Variants in ZFPM1 observed in about 807,000 individuals in gnomAD.
ZFPM1 encodes zinc finger protein ZFPM1.
ZFPM1 carries 28 observed loss-of-function variants against 46.3 expected under a neutral mutation model. The ratio of observed to expected loss-of-function variants is 0.60; its 90% CI spans 0.45 to 0.83. The LOEUF is 0.83. Among genes scored for constraint, ZFPM1 ranks in the 40% least tolerant of loss-of-function variants. The probability of loss-of-function intolerance (pLI) is 0.00; values close to 1 mark genes in which losing one functional copy is unlikely to be tolerated. For synonymous variants in ZFPM1, 957 were observed against 675.9 expected (o/e 1.42, Z -6.45); for missense variants, 1,878 against 1,432.4 (o/e 1.31, Z -5.02).
intron 3 of ZFPM1, among the ~76,000 whole-genome samples, chr16:88,500,149 C>G (rs957473061): frequency 1.3e-5 from 2 of 152,284 alleles, no homozygotes; most frequent in African/African-American, 4.8e-5. Context: ...CACCAGCCCC[C>G]ACCCAGGCCC....
At chr16:88,506,494 C>A in intron 3 of ZFPM1, among the ~76,000 whole-genome samples, 1 of 111,848 alleles carries the variant, frequency 8.9e-6, no homozygotes, top group African/African-American at 3.5e-5. Flanking sequence ...CCAGAAAGGA[C>A]TGAATGGGGG....
At chr16:88,463,107 A>G (rs1907974009) in intron 1 of ZFPM1, among the ~76,000 whole-genome samples, 1 of 152,032 alleles carries the variant, frequency 6.6e-6, no homozygotes, top group South Asian at 2.1e-4. Context: ...TTTTCCATCA[A>G]GCTCCCACTT....
At chr16:88,525,677 G>A (rs1258447105) in intron 4 of ZFPM1, among the ~76,000 whole-genome samples, 1 of 152,176 alleles carries the variant, frequency 6.6e-6, no homozygotes, top group Non-Finnish European at 1.5e-5. Context: ...CGAGGCCTGA[G>A]GGGCAGCGGC....
chr16:88,482,919 C>T (rs751595752), intron 1 of ZFPM1, among the ~76,000 whole-genome samples: 57 of 152,316 alleles, frequency 3.7e-4, no homozygotes, highest in Non-Finnish European at 6.0e-4. Flanking sequence ...TGCTCAGGGC[C>T]GACCCCAGAG....
chr16:88,533,051 TCC>T, intron 9 of ZFPM1, 95 bp from the exon 10 acceptor site: 17 of 1,351,470 alleles, frequency 1.3e-5, no homozygotes, highest in Admixed American at 2.2e-5. Flanking sequence ...TCTAAACCAC[TCC>T]CGCCCACCCC....
chr16:88,505,752 G>A (rs1910618057), intron 3 of ZFPM1, among the ~76,000 whole-genome samples: 1 of 152,160 alleles, frequency 6.6e-6, no homozygotes, highest in Non-Finnish European at 1.5e-5. Context: ...TGTGGGTCCT[G>A]AGCACATCTT....
intron 3 of ZFPM1, among the ~76,000 whole-genome samples, chr16:88,491,749 G>A (rs894572671): frequency 2.6e-5 from 4 of 152,208 alleles, no homozygotes; most frequent in African/African-American, 7.2e-5. Flanking sequence ...GTGCCCTATC[G>A]GCTCCCGCAG....
intron 3 of ZFPM1, among the ~76,000 whole-genome samples, chr16:88,511,507 C>T (rs1255909207): frequency 6.6e-6 from 1 of 152,162 alleles, no homozygotes; most frequent in African/African-American, 2.4e-5. Context: ...AGCTCAGCAT[C>T]CCCCGGCCCT....
intron 1 of ZFPM1, among the ~76,000 whole-genome samples, chr16:88,463,333 C>A (rs1286968703): frequency 6.6e-6 from 1 of 152,346 alleles, no homozygotes; most frequent in East Asian, 1.9e-4. Flanking sequence ...TCTTGGGGTT[C>A]CTCTGGCAGC....
chr16:88,514,529 C>A lies in ZFPM1; in HGVS notation c.402+9C>A. ...CCAGGCAGGCGGAGCCGGTAAGAAG[C>A]CCCCATCCCCGCCCCTGCCCGCCCA... On this transcript the variant is annotated intron_variant, in intron 4 of 9. Coordinates refer to ENST00000319555, the MANE Select transcript of ZFPM1 (RefSeq NM_153813.3). The A allele has an allele frequency of 1.3e-6, 2 of 1,552,024 alleles. No individual in the cohort carries two copies. Among genetic ancestry groups the A allele is most frequent in the Non-Finnish European group, 1.7e-6 (2 of 1,148,966 alleles).
chr16:88,503,574 C>A lies in ZFPM1; in HGVS notation c.269-10813C>A, dbSNP rs1446426573. ...CACCCTCTGCCTGGCCTGCATCTGA[C>A]TCACAGCCAGCTGCCTCTCTGTGGA... On this transcript the variant is annotated intron_variant, in intron 3 of 9. Coordinates refer to ENST00000319555, the MANE Select transcript of ZFPM1 (RefSeq NM_153813.3). Among the ~76,000 whole-genome samples, 4 of 152,294 alleles carry A rather than the reference C, an allele frequency of 2.6e-5. No individual in the cohort carries two copies. In the East Asian group the frequency reaches 7.7e-4, roughly 29 times the overall value.
Position 88,533,314 on chromosome 16 carries a change from C to T in ZFPM1, c.1356C>T (p.Ser452=), listed in dbSNP as rs1350240402. 8 of 1,531,268 alleles carry T rather than the reference C, an allele frequency of 5.2e-6. No individual in the cohort carries two copies. The East Asian group carries it at 1.7e-4, about 33-fold the overall frequency. 94.9% of individuals were successfully genotyped at this position (1,531,268 alleles called of 1,614,324 possible). A position where few individuals can be genotyped will look rare whatever the true frequency, so the allele number is the denominator to read the frequency against. The change falls in exon 10 of 10, where the codon AGC becomes AGT. Residue 452 remains serine (S), a synonymous_variant. Coordinates refer to ENST00000319555, the MANE Select transcript of ZFPM1 (RefSeq NM_153813.3). ...RAEPLAQNGG[S]SEPPAAPRSI... ...AGCCTCTGGCCCAGAATGGAGGCAG[C>T]AGCGAGCCCCCGGCGGCCCCCAGGA...
At chr16:88,453,738 G>A in intron 1 of ZFPM1, 60 bp downstream of exon 1, 2 of 1,034,868 alleles carry the variant, frequency 1.9e-6, no homozygotes, top group Non-Finnish European at 2.4e-6. Flanking sequence ...GAGCCCAGCC[G>A]CCAGCGCCGC....
At chr16:88,452,795 G>A (rs533684546), upstream of ZFPM1, among the ~76,000 whole-genome samples, 10 of 152,312 alleles carry the variant, frequency 6.6e-5, no homozygotes, top group East Asian at 1.6e-3. Context: ...GGTCGGGTCA[G>A]GTTTGGAGGC....
chr16:88,486,539 A>AGGTGCACAGTGGATGGGTGCTG (rs1567534375), intron 2 of ZFPM1, among the ~76,000 whole-genome samples: 4 of 133,932 alleles, frequency 3.0e-5, no homozygotes, highest in African/African-American at 1.2e-4. Context: ...AGTGGGTGCT[A>AGGTGCACAGTGGATGGGTGCTG]GGTGCACAGT....
chr16:88,475,831 C>A (rs773912967), intron 1 of ZFPM1, among the ~76,000 whole-genome samples: 6 of 152,188 alleles, frequency 3.9e-5, no homozygotes, highest in Non-Finnish European at 8.8e-5. Context: ...GGGACGCACG[C>A]GTGCAGGAGG....
rs926885999 is a variant in ZFPM1, at chr16:88,517,880, A to C, written c.402+3360A>C. Among the ~76,000 whole-genome samples, 6 of 150,944 alleles carry C rather than the reference A, an allele frequency of 4.0e-5. 1 individual carries two copies. In the South Asian group the frequency reaches 1.3e-3, roughly 32 times the overall value. On this transcript the variant is annotated intron_variant, in intron 4 of 9. Coordinates refer to ENST00000319555, the MANE Select transcript of ZFPM1 (RefSeq NM_153813.3). ...TAAAGGAGGGGTGGATAGATGGATGAGTGGATAGATGAATGGATGGATAGG... is the reference window on the plus strand; with the variant it reads ...TAAAGGAGGGGTGGATAGATGGATGCGTGGATAGATGAATGGATGGATAGG...
chr16:88,467,891 C>T (rs1717506220), intron 1 of ZFPM1, among the ~76,000 whole-genome samples: 1 of 152,272 alleles, frequency 6.6e-6, no homozygotes, highest in South Asian at 2.1e-4. Flanking sequence ...GAGGTGCTAT[C>T]GCCGTTATCT....
chr16:88,534,128 C>T lies in ZFPM1; in HGVS notation c.2170C>T (p.Pro724Ser). ...CCGACCGGCCGCGCCCCCGGGACCC[C>T]CTGGGCCGGCCGCGCCCCCGGCCCC... ...PRRPAAPPGPPGPAAPPAPSP... is the reference protein window; with the variant it reads ...PRRPAAPPGPSGPAAPPAPSP... The change falls in exon 10 of 10, where the codon CCT (proline) becomes TCT (serine). Residue 724 changes from proline to serine, a missense_variant. Pro to Ser is a moderately conservative substitution (Grantham distance 74). Coordinates refer to ENST00000319555, the MANE Select transcript of ZFPM1 (RefSeq NM_153813.3). 9.9e-7 allele frequency: 1 copy of T among 1,009,720 alleles called. No homozygotes were observed. Among genetic ancestry groups the T allele is most frequent in the Non-Finnish European group, 1.2e-6 (1 of 845,704 alleles). 62.5% of individuals were successfully genotyped at this position (1,009,720 alleles called of 1,614,324 possible).
Sources: gnomAD v4.1 joint callset for allele counts (sites outside exome capture counted in the v4.1 genomes callset) on GRCh38, gnomAD v4.1.1 for gene constraint, MANE v1.5 for transcripts, NCBI Gene and HGNC (gene_info 2026-07-23, HGNC 2026-07-21) for gene names.